Variants in CLGN observed in about 807,000 individuals in gnomAD.
CLGN encodes testis tissue sperm-binding protein Li 79P.
Under a neutral mutation model 79.1 loss-of-function variants are expected in CLGN, and 62 were observed. That is an observed-to-expected ratio of 0.78 (90% CI 0.64 to 0.97). The LOEUF is 0.97. Among genes scored for constraint, CLGN ranks in the 50% least tolerant of loss-of-function variants. The pLI, the probability that CLGN is intolerant of heterozygous loss-of-function variation, is 0.00. For synonymous variants in CLGN, 225 were observed against 224.7 expected (o/e 1.00, Z -0.01); for missense variants, 647 against 715.5 (o/e 0.90, Z 1.09).
At position 140,410,836 on chromosome 4, in the gene CLGN, G is replaced by T. The variant is rs533485737; in HGVS notation, c.145-210C>A. Among the ~76,000 whole-genome samples, 12 of 151,952 alleles carry T rather than the reference G, an allele frequency of 7.9e-5. No homozygotes were observed. In the South Asian group the frequency reaches 2.3e-3, roughly 29 times the overall value. ...TACCATGATGACAAAAATACTATAC[G>T]TACAAACAGTGGATACACTGACCCC... On this transcript the variant is annotated intron_variant, in intron 2 of 14. Coordinates refer to ENST00000325617, the MANE Select transcript of CLGN (RefSeq NM_004362.3).
intron 10 of CLGN, among the ~76,000 whole-genome samples, 176 bp downstream of exon 10, chr4:140,395,643 A>T (rs1350803347): frequency 1.3e-5 from 2 of 152,246 alleles, no homozygotes; most frequent in Non-Finnish European, 2.9e-5. Flanking sequence ...TTTCCCCAGA[A>T]AATTAAATAA....
intron 1 of CLGN, among the ~76,000 whole-genome samples, chr4:140,416,091 CT>C (rs1729324258): frequency 1.5e-5 from 1 of 67,900 alleles, no homozygotes. Context: ...CAACCTGCTC[CT>C]GAATGACTAC....
Position 140,390,644 on chromosome 4 carries a change from G to A in CLGN, c.1736C>T (p.Ser579Phe). ...GQEESNQSNK[S>F]GSEDEMKEAD... is the part of the protein sequence containing the mutation. ...TTCTGTTACCTCATCCTCTGACCCA[G>A]ACTTATTTGATTGATTACTTTCTTC... The change falls in exon 14 of 15, where the codon TCT becomes TTT. Residue 579 changes from serine to phenylalanine, a missense_variant. Ser to Phe is a radical substitution (Grantham distance 155). Coordinates refer to ENST00000325617, the MANE Select transcript of CLGN (RefSeq NM_004362.3). The A allele has an allele frequency of 6.3e-7, 1 of 1,594,538 alleles. No homozygotes were observed.
chr4:140,393,104 T>C (rs1035192742), intron 11 of CLGN, among the ~76,000 whole-genome samples: 1 of 152,102 alleles, frequency 6.6e-6, no homozygotes, highest in Non-Finnish European at 1.5e-5. Context: ...CTAAAAATCA[T>C]ACCTCAGAAT....
chr4:140,408,690 G>A (rs1316622103), intron 4 of CLGN, among the ~76,000 whole-genome samples: 2 of 151,844 alleles, frequency 1.3e-5, no homozygotes, highest in Non-Finnish European at 2.9e-5. Flanking sequence ...CATGGATGTG[G>A]TAAAAAGGGA....
At position 140,397,120 on chromosome 4, in the gene CLGN, G is replaced by T. The variant is rs549907163; in HGVS notation, c.885-915C>A. Among the ~76,000 whole-genome samples the T allele has an allele frequency of 1.5e-4, 22 of 151,502 alleles. 1 individual carries two copies. The South Asian group carries it at 4.2e-3, about 29-fold the overall frequency. On this transcript the variant is annotated intron_variant, in intron 8 of 14. Transcript: ENST00000325617. ...ATTTCTCATCTGTGAAAATATAATT[G>T]TTAAGAGTATGGACATTTTAAATTT...
chr4:140,394,629 A>T (rs935460617), intron 10 of CLGN, among the ~76,000 whole-genome samples: 2 of 152,228 alleles, frequency 1.3e-5, no homozygotes, highest in Non-Finnish European at 2.9e-5. Context: ...ATGGAGACAT[A>T]CATGGTTCCT....
chr4:140,425,512 A>G (rs1234420662), intron 1 of CLGN, among the ~76,000 whole-genome samples: 4 of 148,740 alleles, frequency 2.7e-5, no homozygotes, highest in African/African-American at 7.5e-5. Context: ...GATTTATTGC[A>G]TTTTTCACAA....
intron 1 of CLGN, among the ~76,000 whole-genome samples, chr4:140,417,574 C>T (rs1729367579): frequency 6.9e-6 from 1 of 144,452 alleles, no homozygotes; most frequent in Non-Finnish European, 1.5e-5. Flanking sequence ...AACAGAGAGC[C>T]AAATCATGAG....
chr4:140,427,297 C>T (rs191312850), intron 1 of CLGN, among the ~76,000 whole-genome samples: 5 of 152,296 alleles, frequency 3.3e-5, no homozygotes, highest in Admixed American at 6.5e-5. Context: ...CACAAAGGGT[C>T]CCAGGTGGCA....
Position 140,398,975 on chromosome 4 carries a change from G to T in CLGN, c.760C>A (p.Leu254Ile). 6.2e-7 allele frequency: 1 copy of T among 1,613,832 alleles called. No homozygotes were observed. The highest frequency in any genetic ancestry group is 8.5e-7 in the Non-Finnish European group (1 of 1,179,860). The stretch of plus-strand genomic sequence containing the variant: ...TTGATAGGAGGAACCACATCCTCTA[G>T]GAGGCTTCCTTTGTTTACAACTGTT... ...DQTVVNKGSL[L>I]EDVVPPIKPP... The change falls in exon 8 of 15, where the codon CTA becomes ATA. Residue 254 changes from leucine (L) to isoleucine (I), a missense_variant. Coordinates refer to ENST00000325617, the MANE Select transcript of CLGN (RefSeq NM_004362.3).
intron 8 of CLGN, among the ~76,000 whole-genome samples, chr4:140,397,382 A>G (rs1199122074): frequency 6.6e-6 from 1 of 152,032 alleles, no homozygotes; most frequent in African/African-American, 2.4e-5. Context: ...ATACTAAGAA[A>G]TTAGCTCTCT....
At chr4:140,414,570 C>T (rs1337848850) in intron 1 of CLGN, among the ~76,000 whole-genome samples, 7 of 147,884 alleles carry the variant, frequency 4.7e-5, no homozygotes, top group Admixed American at 6.7e-5. Flanking sequence ...CCTCAGGAGC[C>T]GATGCGATCA....
chr4:140,402,157 A>G, intron 5 of CLGN, 91 bp from the exon 6 acceptor site: 1 of 648,440 alleles, frequency 1.5e-6, no homozygotes, highest in South Asian at 2.7e-5. Flanking sequence ...AATTCATGTA[A>G]GTATAAATTT....
At chr4:140,392,860 T>C (rs1728802439) in intron 11 of CLGN, 149 bp from the exon 12 acceptor site, 1 of 631,834 alleles carries the variant, frequency 1.6e-6, no homozygotes, top group African/African-American at 1.9e-5. Flanking sequence ...TCCCACCTTA[T>C]ACTTTGTAAA....
intron 11 of CLGN, among the ~76,000 whole-genome samples, chr4:140,393,608 A>G (rs2039756657): frequency 6.6e-6 from 1 of 152,166 alleles, no homozygotes; most frequent in African/African-American, 2.4e-5. Flanking sequence ...AATTTAATGA[A>G]TAAAATGAGG....
chr4:140,401,367 C>T lies in CLGN; in HGVS notation c.501+618G>A, dbSNP rs541738595. On this transcript the variant is annotated intron_variant, in intron 6 of 14. Transcript: ENST00000325617. ...TAATGAGTAGTACATGAAAAAGTCTCCCATCTACATTTCATAGCTTATGTA... is the reference window on the plus strand; with the variant it reads ...TAATGAGTAGTACATGAAAAAGTCTTCCATCTACATTTCATAGCTTATGTA... 5.3e-5 allele frequency among the ~76,000 whole-genome samples: 8 copies of T among 152,224 alleles called. No homozygotes were observed. The South Asian group carries it at 8.3e-4, about 16-fold the overall frequency.
At chr4:140,406,663 A>AT (rs1233022367) in intron 4 of CLGN, among the ~76,000 whole-genome samples, 1 of 152,236 alleles carries the variant, frequency 6.6e-6, no homozygotes, top group African/African-American at 2.4e-5. Flanking sequence ...AAAGCACTGC[A>AT]TAAGTGCTAA....
At chr4:140,404,076 T>A (rs1281719956) in intron 5 of CLGN, among the ~76,000 whole-genome samples, 2 of 151,902 alleles carry the variant, frequency 1.3e-5, no homozygotes, top group Non-Finnish European at 2.9e-5. Flanking sequence ...TTTTTAATTT[T>A]ATTTTTATTT....
Sources: allele counts gnomAD v4.1 joint callset (sites outside exome capture counted in the v4.1 genomes callset), GRCh38; gene constraint gnomAD v4.1.1; transcripts MANE v1.5; gene names NCBI Gene and HGNC (gene_info 2026-07-23, HGNC 2026-07-21).